Variants in PPP3CA observed in about 807,000 individuals in gnomAD.
The protein encoded by PPP3CA is protein phosphatase 3 catalytic subunit alpha.
A neutral mutation model predicts 66.5 loss-of-function variants in PPP3CA; 14 were observed. The observed-to-expected ratio is 0.21, with a 90% CI of 0.14 to 0.33. PPP3CA has a LOEUF of 0.33. Among genes scored for constraint, PPP3CA ranks in the 10% least tolerant of loss-of-function variants. The pLI is 1.00. For synonymous variants in PPP3CA, 232 were observed against 226.2 expected (o/e 1.03, Z -0.23); for missense variants, 317 against 639.5 (o/e 0.50, Z 5.44).
intron 1 of PPP3CA, among the ~76,000 whole-genome samples, chr4:101,198,399 A>AGAAAG (rs753088449): frequency 1.3e-5 from 2 of 152,200 alleles, no homozygotes; most frequent in Non-Finnish European, 2.9e-5. Flanking sequence ...GCTGGGGGCT[A>AGAAAG]GAAAGGGGTA....
At chr4:101,321,261 T>C (rs796251617) in intron 1 of PPP3CA, among the ~76,000 whole-genome samples, 7 of 152,294 alleles carry the variant, frequency 4.6e-5, no homozygotes, top group African/African-American at 1.7e-4. Context: ...ATATTTTATA[T>C]AAATTAACCC....
chr4:101,060,353 T>C (rs964901283), intron 10 of PPP3CA, among the ~76,000 whole-genome samples: 3 of 152,142 alleles, frequency 2.0e-5, no homozygotes, highest in Non-Finnish European at 4.4e-5. Flanking sequence ...TAGGAACCAC[T>C]GCACCCGGCC....
In PPP3CA at chr4:101,038,455, C is replaced by T. The variant is rs545847972; in HGVS notation, c.1241+2027G>A. On this transcript the variant is annotated intron_variant, in intron 11 of 13. Coordinates refer to ENST00000394854, the MANE Select transcript of PPP3CA (RefSeq NM_000944.5). ...CGCGATCTCGGCTTACTGCAACCTC[C>T]GCCTCCTGGGTTTGAGAGATTCTCC... 1.3e-3 allele frequency among the ~76,000 whole-genome samples: 201 copies of T among 151,882 alleles called. 1 individual carries two copies. Among genetic ancestry groups the T allele is most frequent in the African/African-American group, 4.2e-3 (176 of 41,432 alleles).
intron 1 of PPP3CA, among the ~76,000 whole-genome samples, chr4:101,268,783 A>G (rs921185127): frequency 6.6e-6 from 1 of 152,112 alleles, no homozygotes; most frequent in Non-Finnish European, 1.5e-5. Context: ...CACTCAAGAT[A>G]TCTTCCTTAA....
chr4:101,212,941 T>C (rs1725343900), intron 1 of PPP3CA, among the ~76,000 whole-genome samples: 1 of 152,186 alleles, frequency 6.6e-6, no homozygotes, highest in African/African-American at 2.4e-5. Flanking sequence ...CTGAATAATC[T>C]ATATGTCTGG....
At chr4:101,129,779 G>A (rs564089392) in intron 2 of PPP3CA, among the ~76,000 whole-genome samples, 163 of 152,260 alleles carry the variant, frequency 1.1e-3, no homozygotes, top group Non-Finnish European at 1.7e-3. Flanking sequence ...ATAAATTCAC[G>A]AAGATGAGGA....
chr4:101,237,766 G>C (rs1317335088), intron 1 of PPP3CA, among the ~76,000 whole-genome samples: 1 of 152,034 alleles, frequency 6.6e-6, no homozygotes, highest in Non-Finnish European at 1.5e-5. Flanking sequence ...AGATGCTGTG[G>C]GGCACTGGCC....
intron 1 of PPP3CA, among the ~76,000 whole-genome samples, chr4:101,277,767 C>G (rs1727548663): frequency 6.6e-6 from 1 of 152,156 alleles, no homozygotes; most frequent in Non-Finnish European, 1.5e-5. Context: ...CTACTATGGG[C>G]AAATCACAGA....
At chr4:101,261,986 A>G (rs1727023302) in intron 1 of PPP3CA, among the ~76,000 whole-genome samples, 1 of 152,054 alleles carries the variant, frequency 6.6e-6, no homozygotes, top group Non-Finnish European at 1.5e-5. Flanking sequence ...ATATTCAGAG[A>G]GCTTATTAAC....
intron 1 of PPP3CA, among the ~76,000 whole-genome samples, chr4:101,202,884 C>T (rs1329459973): frequency 6.6e-6 from 1 of 152,096 alleles, no homozygotes; most frequent in African/African-American, 2.4e-5. Flanking sequence ...TACTCACCTC[C>T]TCTAAATACT....
intron 1 of PPP3CA, among the ~76,000 whole-genome samples, chr4:101,329,481 G>C (rs1729311076): frequency 6.6e-6 from 1 of 152,148 alleles, no homozygotes; most frequent in Admixed American, 6.6e-5. Context: ...AGTTATCCAG[G>C]AGACCTTGCT....
chr4:101,280,622 C>T (rs1727649624), intron 1 of PPP3CA, among the ~76,000 whole-genome samples: 1 of 151,992 alleles, frequency 6.6e-6, no homozygotes, highest in Non-Finnish European at 1.5e-5. Context: ...GAGTTCGAGA[C>T]CGGCCTAGCC....
In PPP3CA at chr4:101,106,389, G is replaced by GA. The variant is rs1190657439; in HGVS notation, c.384+2564dup. On this transcript the variant is annotated intron_variant, in intron 3 of 13. Transcript: ENST00000394854. ...AAAAGAGAGAAAAGAAAGAAAGAAA[G>GA]AAAGAAAGAAAGAAAGAAAGAAAGA... 1.4e-3 allele frequency among the ~76,000 whole-genome samples: 6 copies of GA among 4,292 alleles called. 1 individual carries two copies. Among genetic ancestry groups the GA allele is most frequent in the African/African-American group, 4.2e-3 (6 of 1,432 alleles). 2.8% of individuals were successfully genotyped at this position (4,292 alleles called of 152,430 possible).
chr4:101,220,888 G>T (rs1478608440), intron 1 of PPP3CA, among the ~76,000 whole-genome samples: 1 of 151,648 alleles, frequency 6.6e-6, no homozygotes, highest in African/African-American at 2.4e-5. Flanking sequence ...AATTCCTCTT[G>T]TAGTTTTATT....
At chr4:101,029,347 T>TAAAAAAAAAAAAAAAAAAAAAAAACAAA (rs1726818694) in intron 12 of PPP3CA, 152 bp from the exon 13 acceptor site, 1 of 78,822 alleles carries the variant, frequency 1.3e-5, no homozygotes, top group African/African-American at 7.1e-5. Context: ...ACAGAAATGC[T>TAAAAAAAAAAAAAAAAAAAAAAAACAAA]AAAAAAAAAA....
chr4:101,301,457 A>G (rs1728373356), intron 1 of PPP3CA, among the ~76,000 whole-genome samples: 1 of 146,188 alleles, frequency 6.8e-6, no homozygotes, highest in African/African-American at 2.5e-5. Flanking sequence ...TTAAATTTAT[A>G]TATTATATAT....
chr4:101,046,639 C>T (rs192647374), intron 10 of PPP3CA, among the ~76,000 whole-genome samples: 1 of 151,866 alleles, frequency 6.6e-6, no homozygotes, highest in South Asian at 2.1e-4. Flanking sequence ...ATTTTTTTTA[C>T]CACTCACCAC....
intron 1 of PPP3CA, among the ~76,000 whole-genome samples, chr4:101,231,227 C>T (rs1725950404): frequency 6.6e-6 from 1 of 151,644 alleles, no homozygotes; most frequent in African/African-American, 2.4e-5. Context: ...CAACTGGAGA[C>T]AACTGAGAGC....
intron 1 of PPP3CA, among the ~76,000 whole-genome samples, chr4:101,345,125 G>A (rs545837272): frequency 3.3e-5 from 5 of 152,218 alleles, no homozygotes; most frequent in South Asian, 4.2e-4. Flanking sequence ...CATTTTTGCA[G>A]AGCTATTTCC....
Sources: allele counts gnomAD v4.1 joint callset (sites outside exome capture counted in the v4.1 genomes callset), GRCh38; gene constraint gnomAD v4.1.1; transcripts MANE v1.5; gene names NCBI Gene and HGNC (gene_info 2026-07-23, HGNC 2026-07-21).